Variants in TRAPPC9 observed in about 807,000 individuals in gnomAD.
TRAPPC9 encodes IKK2 binding protein.
TRAPPC9 carries 83 observed loss-of-function variants against 124.0 expected under a neutral mutation model. The ratio of observed to expected loss-of-function variants is 0.67; its 90% CI spans 0.56 to 0.80. The LOEUF is 0.80. Among genes scored for constraint, TRAPPC9 ranks in the 30% least tolerant of loss-of-function variants. The pLI is 0.00. For missense variants in TRAPPC9, 1,302 were observed against 1,508.3 expected, an observed-to-expected ratio of 0.86 and a Z score of 2.27; for synonymous variants, 638 against 617.5, an observed-to-expected ratio of 1.03 and a Z score of -0.49.
At chr8:140,245,088 G>T (rs1213023232) in intron 16 of TRAPPC9, among the ~76,000 whole-genome samples, 1 of 152,092 alleles carries the variant, frequency 6.6e-6, no homozygotes, top group African/African-American at 2.4e-5. Flanking sequence ...ACAGGCACGA[G>T]CCACCGCGCC....
At chr8:139,772,849 C>T (rs930680245) in intron 21 of TRAPPC9, among the ~76,000 whole-genome samples, 3 of 152,220 alleles carry the variant, frequency 2.0e-5, no homozygotes, top group African/African-American at 7.2e-5. Context: ...TTAAAACAGA[C>T]ACACACAGAG....
intron 2 of TRAPPC9, among the ~76,000 whole-genome samples, chr8:140,440,047 CTT>C (rs1280460466): frequency 7.2e-5 from 11 of 152,268 alleles, no homozygotes; most frequent in African/African-American, 2.4e-4. Flanking sequence ...TCAACAAACT[CTT>C]TGTTACTCTG....
At chr8:140,122,023 T>TTCTTTCTCTCTCTCTCTC (rs776733761) in intron 17 of TRAPPC9, among the ~76,000 whole-genome samples, 2 of 138,436 alleles carry the variant, frequency 1.4e-5, no homozygotes, top group African/African-American at 5.4e-5. Flanking sequence ...CTTTCTTTCT[T>TTCTTTCTCTCTCTCTCTC]TCTCTCTCTC....
intron 5 of TRAPPC9, among the ~76,000 whole-genome samples, chr8:140,426,277 C>T (rs1197833984): frequency 6.6e-6 from 1 of 152,196 alleles, no homozygotes; most frequent in African/African-American, 2.4e-5. Flanking sequence ...GCACAAGCCA[C>T]AAATCAGAGC....
intron 17 of TRAPPC9, among the ~76,000 whole-genome samples, chr8:140,190,947 G>A (rs1009953605): frequency 1.1e-4 from 17 of 152,204 alleles, no homozygotes; most frequent in African/African-American, 3.1e-4. Flanking sequence ...TCCAACAATC[G>A]GATTCTCAAG....
chr8:140,406,310 AT>A (rs1156594519), intron 5 of TRAPPC9, among the ~76,000 whole-genome samples: 2 of 152,214 alleles, frequency 1.3e-5, no homozygotes, highest in African/African-American at 4.8e-5. Flanking sequence ...AAGATAAAAT[AT>A]TCATTGACTT....
intron 17 of TRAPPC9, among the ~76,000 whole-genome samples, chr8:140,127,536 G>A (rs2061120775): frequency 6.6e-6 from 1 of 152,216 alleles, no homozygotes; most frequent in South Asian, 2.1e-4. Flanking sequence ...CATGGAGCAG[G>A]CCCTCAGGAA....
intron 19 of TRAPPC9, among the ~76,000 whole-genome samples, chr8:139,977,733 T>C (rs1395104979): frequency 6.6e-6 from 1 of 151,090 alleles, no homozygotes; most frequent in African/African-American, 2.4e-5. Context: ...CAGGCTGGAG[T>C]GCAGTGGGGC....
At chr8:140,099,759 C>T (rs1222929888) in intron 17 of TRAPPC9, 1 of 151,198 alleles carries the variant, frequency 6.6e-6, no homozygotes, top group Non-Finnish European at 1.5e-5. Flanking sequence ...GTAGGAACAC[C>T]CAGCTAGGTC....
intron 19 of TRAPPC9, among the ~76,000 whole-genome samples, chr8:139,949,960 T>C (rs892515278): frequency 3.9e-5 from 6 of 152,248 alleles, no homozygotes; most frequent in Non-Finnish European, 8.8e-5. Context: ...TTATTGATTA[T>C]ACATGTCTGA....
chr8:139,765,224 C>G (rs1308990355), intron 21 of TRAPPC9, among the ~76,000 whole-genome samples: 1 of 152,204 alleles, frequency 6.6e-6, no homozygotes, highest in Non-Finnish European at 1.5e-5. Flanking sequence ...AGAGGCGGAC[C>G]TCACCACAGG....
intron 19 of TRAPPC9, among the ~76,000 whole-genome samples, chr8:139,980,265 A>G (rs1313548936): frequency 6.6e-6 from 1 of 152,164 alleles, no homozygotes; most frequent in Non-Finnish European, 1.5e-5. Flanking sequence ...ACAGTTCTCC[A>G]TAGCGAATCT....
chr8:140,101,528 T>C (rs1366581312), intron 17 of TRAPPC9, among the ~76,000 whole-genome samples: 1 of 124,154 alleles, frequency 8.1e-6, no homozygotes. Context: ...TTTTGTAGGG[T>C]TTTCTTTTTT....
intron 21 of TRAPPC9, among the ~76,000 whole-genome samples, chr8:139,750,291 C>T (rs1010882033): frequency 2.6e-5 from 4 of 152,194 alleles, no homozygotes; most frequent in Non-Finnish European, 4.4e-5. Flanking sequence ...TTATGGCAGC[C>T]ACCCTGAGAA....
At chr8:140,135,635 T>C (rs1158695462) in intron 17 of TRAPPC9, among the ~76,000 whole-genome samples, 3 of 152,210 alleles carry the variant, frequency 2.0e-5, no homozygotes, top group Non-Finnish European at 2.9e-5. Flanking sequence ...GCTAGGAGTA[T>C]GGAAGAACGA....
At chr8:140,230,816 T>C (rs1362686776) in intron 16 of TRAPPC9, among the ~76,000 whole-genome samples, 1 of 151,804 alleles carries the variant, frequency 6.6e-6, no homozygotes, top group Non-Finnish European at 1.5e-5. Context: ...CTGAAGCAGG[T>C]GAGGACTCAG....
At chr8:139,772,331 T>A (rs1349387229) in intron 21 of TRAPPC9, among the ~76,000 whole-genome samples, 2 of 152,174 alleles carry the variant, frequency 1.3e-5, no homozygotes, top group East Asian at 1.9e-4. Flanking sequence ...TCATTTCACA[T>A]CACCTCATGG....
intron 13 of TRAPPC9, among the ~76,000 whole-genome samples, chr8:140,284,736 C>T (rs1270115414): frequency 6.6e-6 from 1 of 152,180 alleles, no homozygotes; most frequent in Non-Finnish European, 1.5e-5. Flanking sequence ...TGAAACTATT[C>T]CATACTAAAA....
intron 12 of TRAPPC9, among the ~76,000 whole-genome samples, chr8:140,288,333 C>CTCAA (rs1050687952): frequency 6.6e-6 from 1 of 152,210 alleles, no homozygotes; most frequent in Non-Finnish European, 1.5e-5. Context: ...GAGACCCTAT[C>CTCAA]TCAATCAATC....
Sources: allele counts gnomAD v4.1 joint callset (sites outside exome capture counted in the v4.1 genomes callset), GRCh38; gene constraint gnomAD v4.1.1; transcripts MANE v1.5; gene names NCBI Gene and HGNC (gene_info 2026-07-23, HGNC 2026-07-21).